The following ABI1 variants were observed in gnomAD, a reference collection of about 807,000 sequenced individuals.
ABI1 encodes abl interactor 1, also known as Abelson interactor 1.
A neutral mutation model predicts 54.6 loss-of-function variants in ABI1; 14 were observed. The observed-to-expected ratio is 0.26, with a 90% CI of 0.17 to 0.40. The LOEUF (loss-of-function observed/expected upper bound fraction) is 0.40, where lower values mean the gene tolerates loss of function less well. ABI1 is among the 10% of genes least tolerant of loss of function. The pLI is 1.00. For synonymous variants in ABI1, 194 were observed against 209.3 expected (o/e 0.93, Z 0.63); for missense variants, 443 against 598.3 (o/e 0.74, Z 2.71).
At chr10:26,851,676 GACAGGATATGACCC>G (rs1315522251) in intron 1 of ABI1, among the ~76,000 whole-genome samples, 2 of 151,376 alleles carry the variant, frequency 1.3e-5, no homozygotes, top group African/African-American at 4.9e-5. Flanking sequence ...AAAAAGGCAG[GACAGGATATGACCC>G]ACAGTTAGGA....
At chr10:26,765,423 C>T in intron 6 of ABI1, 105 bp from the exon 7 acceptor site, 1 of 781,776 alleles carries the variant, frequency 1.3e-6, no homozygotes, top group Non-Finnish European at 2.0e-6. Context: ...GTCATATAGT[C>T]ATCCCTCAGT....
At chr10:26,822,934 AAAATG>A (rs1202784402) in intron 2 of ABI1, among the ~76,000 whole-genome samples, 199 bp downstream of exon 2, 2 of 152,230 alleles carry the variant, frequency 1.3e-5, no homozygotes, top group African/African-American at 4.8e-5. Flanking sequence ...AAAAATGGTT[AAAATG>A]GTCAATTTTA....
intron 1 of ABI1, among the ~76,000 whole-genome samples, chr10:26,844,054 A>G (rs2049793083): frequency 6.6e-6 from 1 of 152,206 alleles, no homozygotes; most frequent in Non-Finnish European, 1.5e-5. Flanking sequence ...AATCTGGGAA[A>G]CACTGATCCG....
chr10:26,748,887 G>A (rs1588728249), intron 10 of ABI1, 142 bp from the exon 11 acceptor site: 1 of 655,844 alleles, frequency 1.5e-6, no homozygotes, highest in East Asian at 2.7e-5. Context: ...ATCAATATAA[G>A]TAGGTCAGTG....
Position 26,776,830 on chromosome 10 carries a change from G to A in ABI1, c.462+235C>T, listed in dbSNP as rs763394163. 417 of 369,338 alleles carry A rather than the reference G, an allele frequency of 1.1e-3. 2 individuals are homozygous for A. The highest frequency in any genetic ancestry group is 1.7e-3 in the Non-Finnish European group (350 of 208,154). 22.9% of individuals were successfully genotyped at this position (369,338 alleles called of 1,614,324 possible). ...TTCACAACACAAATGGGTAATATTT[G>A]TCTAGGATTTATGGCTTAATAACCA... is the stretch of plus-strand genomic sequence containing the variant. On this transcript the variant is annotated intron_variant, in intron 3 of 10. Coordinates refer to ENST00000376140, the MANE Select transcript of ABI1 (RefSeq NM_001012750.3).
At chr10:26,772,549 G>C (rs1223811907) in intron 3 of ABI1, among the ~76,000 whole-genome samples, 1 of 152,094 alleles carries the variant, frequency 6.6e-6, no homozygotes, top group Non-Finnish European at 1.5e-5. Context: ...AATTCTACTT[G>C]AACTCTGTGC....
intron 1 of ABI1, among the ~76,000 whole-genome samples, chr10:26,857,096 G>A (rs10437433): frequency 0.26 from 39,042 of 151,924 alleles, 5,715 homozygotes; most frequent in South Asian, 0.44. Context: ...GAGGAGGGCA[G>A]ATCACCTAAG....
At chr10:26,821,210 A>T (rs1215504865) in intron 2 of ABI1, among the ~76,000 whole-genome samples, 1 of 149,012 alleles carries the variant, frequency 6.7e-6, no homozygotes, top group East Asian at 2.0e-4. Context: ...ATGCCACTGC[A>T]CACCAGCCTG....
intron 8 of ABI1, among the ~76,000 whole-genome samples, chr10:26,758,291 CACA>C (rs888489970): frequency 3.3e-5 from 5 of 152,066 alleles, no homozygotes; most frequent in African/African-American, 1.2e-4. Context: ...GCCCAGTGGG[CACA>C]ACTTTTTAAG....
At chr10:26,788,043 T>C (rs555975328) in intron 2 of ABI1, among the ~76,000 whole-genome samples, 1 of 152,250 alleles carries the variant, frequency 6.6e-6, no homozygotes, top group Non-Finnish European at 1.5e-5. Flanking sequence ...ACTCCCATAA[T>C]TCTCACGTGT....
At chr10:26,823,901 G>T (rs953460113) in intron 1 of ABI1, among the ~76,000 whole-genome samples, 1 of 151,806 alleles carries the variant, frequency 6.6e-6, no homozygotes, top group Admixed American at 6.6e-5. Context: ...ACTGTAGGTG[G>T]GTAAGAAGGG....
intron 1 of ABI1, among the ~76,000 whole-genome samples, chr10:26,856,256 G>A (rs11595061): frequency 6.8e-6 from 1 of 147,922 alleles, no homozygotes; most frequent in Non-Finnish European, 1.5e-5. Context: ...CTGGGTGACA[G>A]AGTAAGGCTC....
chr10:26,765,378 T>G (rs1160713031), intron 6 of ABI1, 60 bp from the exon 7 acceptor site: 16 of 1,196,888 alleles, frequency 1.3e-5, no homozygotes, highest in Admixed American at 2.7e-5. Context: ...AAAAAAAAAC[T>G]GTAATCACCC....
rs1842368732 is a variant in ABI1, at chr10:26,783,358, G to A, written c.286-6117C>T. 2.6e-5 allele frequency among the ~76,000 whole-genome samples: 4 copies of A among 152,296 alleles called. No individual in the cohort carries two copies. In the South Asian group the frequency reaches 8.3e-4, roughly 32 times the overall value. The stretch of plus-strand genomic sequence containing the variant: ...GTTTAATTTCTACAAGATAAAAAGA[G>A]TCCTAGAGATTATTGGTTGCTCAAC... On this transcript the variant is annotated intron_variant, in intron 2 of 10. Transcript: ENST00000376140.
intron 2 of ABI1, among the ~76,000 whole-genome samples, chr10:26,817,688 G>T (rs1332841227): frequency 6.6e-6 from 1 of 152,126 alleles, no homozygotes; most frequent in Admixed American, 6.5e-5. Context: ...CTTAAAAATG[G>T]TTGAATGATC....
At chr10:26,778,775 C>T (rs1841746627) in intron 2 of ABI1, among the ~76,000 whole-genome samples, 1 of 152,128 alleles carries the variant, frequency 6.6e-6, no homozygotes, top group Admixed American at 6.5e-5. Context: ...CCTTAGAAAG[C>T]AAAGGCAGAT....
intron 1 of ABI1, among the ~76,000 whole-genome samples, chr10:26,827,872 C>A (rs956421363): frequency 1.3e-5 from 2 of 152,068 alleles, no homozygotes; most frequent in African/African-American, 2.4e-5. Context: ...GGATTACAGG[C>A]GTGAGCCACC....
chr10:26,814,157 G>A (rs554791432), intron 2 of ABI1, among the ~76,000 whole-genome samples: 2 of 152,308 alleles, frequency 1.3e-5, no homozygotes, highest in African/African-American at 4.8e-5. Context: ...AAATAGACTG[G>A]ATGGGGCAAT....
chr10:26,857,012 A>C (rs189330770), intron 1 of ABI1, among the ~76,000 whole-genome samples: 3 of 152,294 alleles, frequency 2.0e-5, no homozygotes, highest in African/African-American at 7.2e-5. Context: ...GTATGTCTAC[A>C]TAAATGACTA....
Sources: allele counts gnomAD v4.1 joint callset (sites outside exome capture counted in the v4.1 genomes callset), GRCh38; gene constraint gnomAD v4.1.1; transcripts MANE v1.5; gene names NCBI Gene and HGNC (gene_info 2026-07-23, HGNC 2026-07-21).